The following DMD variants were observed in gnomAD, a reference collection of about 807,000 sequenced individuals.
DMD encodes the protein mutant dystrophin.
A neutral mutation model predicts 330.1 loss-of-function variants in DMD; 63 were observed. That is an observed-to-expected ratio of 0.19 (90% CI 0.16 to 0.24). The LOEUF (loss-of-function observed/expected upper bound fraction) is 0.24. Ranked by LOEUF, DMD falls within the 10% of genes least tolerant of loss-of-function variation. The pLI is 1.00. For missense variants in DMD, 3,344 were observed against 2,684.1 expected (o/e 1.25, Z -5.43); for synonymous variants, 1,223 against 959.8 (o/e 1.27, Z -5.07).
intron 16 of DMD, among the ~76,000 whole-genome samples, chrX:32,560,187 A>C (rs1026619433): frequency 1.3e-4 from 8 of 61,579 alleles, no homozygotes; most frequent in Non-Finnish European, 3.8e-4. Flanking sequence ...GACTCGCTTG[A>C]AAAAAAAAAT....
In DMD at chrX:31,214,932, TTTTTC is replaced by T. The variant is rs1193928011; in HGVS notation, c.9362-5238_9362-5234del. On this transcript the variant is annotated intron_variant, in intron 64 of 78. Coordinates refer to ENST00000357033, the MANE Select transcript of DMD (RefSeq NM_004006.3). ...CCACCAAAGATACTTTTTTATTTCTTTTTTCTTTTTTTTTTTTTTTTTTTTTTGAG... is the reference window on the plus strand; with the variant it reads ...CCACCAAAGATACTTTTTTATTTCTTTTTTTTTTTTTTTTTTTTTTTTGAG... Among the ~76,000 whole-genome samples, 74 of 47,168 alleles carry T rather than the reference TTTTTC, an allele frequency of 1.6e-3. 1 individual carries two copies. The highest frequency in any genetic ancestry group is 5.9e-3 in the African/African-American group (70 of 11,912). The allele number at this position is 47,168 out of a possible 115,157, so 41.0% of individuals were successfully genotyped here.
At chrX:31,592,909 G>A (rs1392053761) in intron 55 of DMD, among the ~76,000 whole-genome samples, 4 of 110,925 alleles carry the variant, frequency 3.6e-5, no homozygotes, top group African/African-American at 1.3e-4. Context: ...ATACATGATC[G>A]TGGGAGGGAT....
chrX:32,753,532 C>A (rs2071094684), intron 7 of DMD, among the ~76,000 whole-genome samples: 2 of 111,772 alleles, frequency 1.8e-5, no homozygotes, highest in South Asian at 3.7e-4. Context: ...GTAAGCCACA[C>A]AGGGAGTATA....
intron 7 of DMD, among the ~76,000 whole-genome samples, chrX:32,763,362 G>C (rs945633163): frequency 8.9e-6 from 1 of 111,879 alleles, no homozygotes; most frequent in African/African-American, 3.2e-5. Flanking sequence ...TTATGTTTTA[G>C]TTTAAAGCAG....
chrX:32,821,126 C>A (rs1468314197), intron 5 of DMD, among the ~76,000 whole-genome samples: 1 of 111,078 alleles, frequency 9.0e-6, no homozygotes, highest in Non-Finnish European at 1.9e-5. Flanking sequence ...TCTTTCTCTT[C>A]CCCTCTCCCC....
chrX:32,626,750 T>C (rs2058369598), intron 11 of DMD, among the ~76,000 whole-genome samples: 1 of 104,076 alleles, frequency 9.6e-6, no homozygotes, highest in South Asian at 3.9e-4. Context: ...ACATGGCACA[T>C]GTATACCTAT....
chrX:32,751,492 C>G (rs141185797), intron 7 of DMD, among the ~76,000 whole-genome samples: 2 of 111,602 alleles, frequency 1.8e-5, no homozygotes, highest in African/African-American at 6.5e-5. Flanking sequence ...AGCAGCAAAG[C>G]ATTCGTGAGG....
At chrX:31,542,367 T>C (rs5972404) in intron 55 of DMD, among the ~76,000 whole-genome samples, 13,046 of 111,292 alleles carry the variant, frequency 0.12, 789 homozygotes, top group African/African-American at 0.21. Context: ...AATACAGTGA[T>C]TAAGAATCTA....
At chrX:31,863,279 C>G (rs2093742027) in intron 48 of DMD, among the ~76,000 whole-genome samples, 1 of 112,215 alleles carries the variant, frequency 8.9e-6, no homozygotes, top group African/African-American at 3.2e-5. Flanking sequence ...GGAGGCGGAG[C>G]TTGCAGTGAG....
intron 48 of DMD, among the ~76,000 whole-genome samples, chrX:31,843,226 G>T (rs1030051605): frequency 2.7e-5 from 3 of 111,543 alleles, no homozygotes; most frequent in African/African-American, 9.8e-5. Context: ...TTTACTTTTG[G>T]ATATATACTC....
chrX:31,979,270 G>A (rs2095459191), intron 44 of DMD, among the ~76,000 whole-genome samples: 1 of 111,259 alleles, frequency 9.0e-6, no homozygotes, highest in African/African-American at 3.3e-5. Flanking sequence ...TGCTGAGGCT[G>A]GTCTTGAACT....
chrX:33,266,282 C>A (rs2053039744), intron 1 of DMD, among the ~76,000 whole-genome samples: 1 of 111,817 alleles, frequency 8.9e-6, no homozygotes, highest in Non-Finnish European at 1.9e-5. Context: ...AAGAGTCTTA[C>A]AACGTAGATG....
chrX:31,769,684 C>T (rs181488721), intron 51 of DMD, among the ~76,000 whole-genome samples: 7 of 112,147 alleles, frequency 6.2e-5, no homozygotes, highest in East Asian at 2.8e-4. Flanking sequence ...CATCCTGGGA[C>T]GCATGTGGCT....
rs1385794215 is a variant in DMD at position 31,147,289 on chromosome X, G to T, written c.10783C>A (p.Gln3595Lys). 1 of 1,210,485 alleles carries T rather than the reference G, an allele frequency of 8.3e-7. No individual in the cohort carries two copies. Among genetic ancestry groups the T allele is most frequent in the Admixed American group, 2.2e-5 (1 of 45,995 alleles). Residue 3595 changes from glutamine (Q) to lysine (K), a missense_variant, in exon 75 of 79, where the codon CAG becomes AAG. Coordinates refer to ENST00000357033, the MANE Select transcript of DMD (RefSeq NM_004006.3). ...TCTCTCCTCACTTGCTCCAGCAGCT[G>T]CCTTAGCCTGTGTAACTGTGACTCC... ...QLESQLHRLRQLLEQPQAEAK... is the reference protein window; with the variant it reads ...QLESQLHRLRKLLEQPQAEAK...
At chrX:32,627,889 C>A (rs1204899450) in intron 11 of DMD, among the ~76,000 whole-genome samples, 1 of 110,394 alleles carries the variant, frequency 9.1e-6, no homozygotes. Flanking sequence ...CCACAATACC[C>A]TATTTTTTAA....
chrX:32,757,292 A>C (rs1357416808), intron 7 of DMD, among the ~76,000 whole-genome samples: 1 of 111,519 alleles, frequency 9.0e-6, no homozygotes, highest in Non-Finnish European at 1.9e-5. Flanking sequence ...ACCTAACTGA[A>C]ATTTTGTGTA....
At chrX:31,265,793 G>T (rs1346732119) in intron 62 of DMD, among the ~76,000 whole-genome samples, 2 of 73,982 alleles carry the variant, frequency 2.7e-5, no homozygotes, top group African/African-American at 4.8e-5. Context: ...TGGGGGGGGG[G>T]GGGGTGGGTG....
chrX:32,552,288 A>G (rs1219775190), intron 16 of DMD, among the ~76,000 whole-genome samples: 3 of 111,708 alleles, frequency 2.7e-5, no homozygotes, highest in African/African-American at 9.8e-5. Context: ...ACCAATGGAA[A>G]AGAATAGAGA....
intron 13 of DMD, among the ~76,000 whole-genome samples, chrX:32,582,519 T>G (rs1315139610): frequency 2.7e-5 from 3 of 111,789 alleles, no homozygotes; most frequent in Non-Finnish European, 5.6e-5. Context: ...TTGAAAGACT[T>G]TACATAATAA....
Sources: gnomAD v4.1 joint callset for allele counts (sites outside exome capture counted in the v4.1 genomes callset) on GRCh38, gnomAD v4.1.1 for gene constraint, MANE v1.5 for transcripts, NCBI Gene and HGNC (gene_info 2026-07-23, HGNC 2026-07-21) for gene names.